NFATC2: variants seen among roughly 807,000 people sequenced by gnomAD.
NFATC2 encodes the protein nuclear factor of activated T-cells, cytoplasmic 2.
A neutral mutation model predicts 87.3 loss-of-function variants in NFATC2; 22 were observed. The observed-to-expected ratio is 0.25, with a 90% CI of 0.18 to 0.36. NFATC2 has a LOEUF of 0.36. Among genes scored for constraint, NFATC2 ranks in the 10% least tolerant of loss-of-function variants. NFATC2 has a pLI of 1.00. For synonymous variants in NFATC2, 565 were observed against 542.2 expected, an observed-to-expected ratio of 1.04 and a Z score of -0.58; for missense variants, 1,149 against 1,259.1, an observed-to-expected ratio of 0.91 and a Z score of 1.32.
intron 9 of NFATC2, among the ~76,000 whole-genome samples, chr20:51,402,057 TACAATGCA>T (rs1158741848): frequency 6.6e-6 from 1 of 152,242 alleles, no homozygotes; most frequent in African/African-American, 2.4e-5. Flanking sequence ...TTTGTGTTTC[TACAATGCA>T]AGTCAGATGT....
At chr20:51,413,973 A>C (rs1215655553) in intron 9 of NFATC2, among the ~76,000 whole-genome samples, 1 of 152,240 alleles carries the variant, frequency 6.6e-6, no homozygotes, top group East Asian at 1.9e-4. Flanking sequence ...ACATCTAAGC[A>C]TGAGCTGCTA....
At chr20:51,503,488 C>G (rs1426957735) in intron 3 of NFATC2, among the ~76,000 whole-genome samples, 4 of 152,186 alleles carry the variant, frequency 2.6e-5, no homozygotes, top group African/African-American at 9.7e-5. Flanking sequence ...CCATGACCAT[C>G]TCAATGTACC....
At chr20:51,529,966 GT>G (rs1160952650) in intron 1 of NFATC2, among the ~76,000 whole-genome samples, 1 of 152,132 alleles carries the variant, frequency 6.6e-6, no homozygotes, top group African/African-American at 2.4e-5. Flanking sequence ...ATACACAGAT[GT>G]CAGTGTTTTG....
intron 6 of NFATC2, among the ~76,000 whole-genome samples, chr20:51,449,786 A>G (rs1220827100): frequency 2.0e-5 from 3 of 152,202 alleles, no homozygotes; most frequent in Admixed American, 6.5e-5. Flanking sequence ...CTCACCAGTA[A>G]AATTGAGAAA....
In NFATC2 at chr20:51,388,872, C is replaced by T. The variant is rs1339611872; in HGVS notation, c.*2624G>A. ...CACCCATCTTTACCATTTAGACACCCCTACTTTCTCATTCTCTTAGAGGAT... is the reference window on the plus strand; with the variant it reads ...CACCCATCTTTACCATTTAGACACCTCTACTTTCTCATTCTCTTAGAGGAT... On this transcript the variant is annotated 3_prime_UTR_variant, in exon 11 of 11. Transcript: ENST00000371564. The T allele has an allele frequency of 1.3e-5, 2 of 152,174 alleles. No homozygotes were observed. The highest frequency in any genetic ancestry group is 2.9e-5 in the Non-Finnish European group (2 of 68,032). The allele number at this position is 152,174 out of a possible 1,614,324, so 9.4% of individuals were successfully genotyped here. A position where few individuals can be genotyped will look rare whatever the true frequency, so the allele number is the denominator to read the frequency against.
At chr20:51,506,360 T>C (rs1184891753) in intron 3 of NFATC2, among the ~76,000 whole-genome samples, 3 of 152,180 alleles carry the variant, frequency 2.0e-5, no homozygotes, top group African/African-American at 7.2e-5. Context: ...TCAGTAAACA[T>C]GCATGACTAT....
intron 3 of NFATC2, among the ~76,000 whole-genome samples, chr20:51,505,118 A>G (rs1322372574): frequency 7.2e-6 from 1 of 139,104 alleles, no homozygotes; most frequent in Non-Finnish European, 1.5e-5. Context: ...GGTTCACACC[A>G]TTATCCTGCC....
At chr20:51,407,573 G>A (rs907904563) in intron 9 of NFATC2, among the ~76,000 whole-genome samples, 4 of 152,192 alleles carry the variant, frequency 2.6e-5, no homozygotes, top group Non-Finnish European at 4.4e-5. Context: ...TGGGAATCAC[G>A]CTTCATGGTC....
At chr20:51,561,431 A>AAAAGAAAGAAAGAAAGAAAG (rs1184978605) in intron 1 of NFATC2, among the ~76,000 whole-genome samples, 2 of 110,178 alleles carry the variant, frequency 1.8e-5, no homozygotes, top group East Asian at 2.7e-4. Flanking sequence ...AGAGAGAAAG[A>AAAAGAAAGAAAGAAAGAAAG]AAAGAAAGAA....
intron 6 of NFATC2, among the ~76,000 whole-genome samples, chr20:51,452,279 C>T (rs1458553506): frequency 6.6e-6 from 1 of 151,000 alleles, no homozygotes; most frequent in African/African-American, 2.5e-5. Flanking sequence ...CTTCCCAAGT[C>T]TCCTTCCCCT....
intron 1 of NFATC2, among the ~76,000 whole-genome samples, chr20:51,561,475 G>GC (rs1269084727): frequency 1.5e-4 from 21 of 137,240 alleles, no homozygotes; most frequent in South Asian, 5.0e-4. Context: ...AAGAAAGAAA[G>GC]AAAGAAAGAA....
upstream of NFATC2, chr20:51,562,676 T>C (rs1432460042): frequency 6.6e-7 from 1 of 1,522,476 alleles, no homozygotes; most frequent in African/African-American, 1.4e-5. The surrounding 1 kb of genome is among the most constrained non-coding windows in gnomAD (Gnocchi z 5.8). Context: ...GGGGATCTGT[T>C]TGTATCGACC....
intron 3 of NFATC2, among the ~76,000 whole-genome samples, chr20:51,476,130 G>T (rs1988693037): frequency 1.3e-5 from 2 of 149,852 alleles, no homozygotes; most frequent in Non-Finnish European, 3.0e-5. Context: ...ACAACGTGCA[G>T]GTTAGTTATA....
At chr20:51,506,018 C>T (rs2076173180) in intron 3 of NFATC2, among the ~76,000 whole-genome samples, 1 of 152,186 alleles carries the variant, frequency 6.6e-6, no homozygotes, top group Non-Finnish European at 1.5e-5. Context: ...CAATTTAATA[C>T]CCATTTAACC....
chr20:51,469,093 G>A (rs1987962399), intron 5 of NFATC2, among the ~76,000 whole-genome samples: 1 of 151,838 alleles, frequency 6.6e-6, no homozygotes, highest in Non-Finnish European at 1.5e-5. Flanking sequence ...TGCAATCTTG[G>A]CTCACTGCAG....
At chr20:51,551,144 A>T (rs1439730743) in intron 1 of NFATC2, among the ~76,000 whole-genome samples, 1 of 152,258 alleles carries the variant, frequency 6.6e-6, no homozygotes, top group East Asian at 1.9e-4. Context: ...ACACAGATGC[A>T]TTTGACTCCA....
At chr20:51,451,368 C>T (rs1421962463) in intron 6 of NFATC2, among the ~76,000 whole-genome samples, 1 of 152,208 alleles carries the variant, frequency 6.6e-6, no homozygotes, top group East Asian at 1.9e-4. Context: ...TGACCAGTGG[C>T]AATATTGCCC....
chr20:51,454,504 G>A, intron 6 of NFATC2, 44 bp downstream of exon 6: 2 of 1,606,870 alleles, frequency 1.2e-6, no homozygotes, highest in South Asian at 2.2e-5. Context: ...GGTCACTTTT[G>A]CATGATTCTG....
At position 51,495,000 on chromosome 20, in the gene NFATC2, T is replaced by C. The variant is rs184903269; in HGVS notation, c.1333-19340A>G. 2.3e-3 allele frequency among the ~76,000 whole-genome samples: 345 copies of C among 152,302 alleles called. 1 individual carries two copies. Among genetic ancestry groups the C allele is most frequent in the Non-Finnish European group, 3.7e-3 (251 of 68,024 alleles). ...TGGACACCCAATCCCAACATGGGCA[T>C]TGTGCTACAGCAATTGCCTCCAGGT... On this transcript the variant is annotated intron_variant, in intron 3 of 10. Coordinates refer to ENST00000371564, the MANE Select transcript of NFATC2 (RefSeq NM_012340.5).
Sources: allele counts gnomAD v4.1 joint callset (sites outside exome capture counted in the v4.1 genomes callset), GRCh38; gene constraint gnomAD v4.1.1; non-coding constraint Gnocchi (gnomAD v3.1); transcripts MANE v1.5; gene names NCBI Gene and HGNC (gene_info 2026-07-23, HGNC 2026-07-21).